Variants in TENM4 observed in about 807,000 individuals in gnomAD.
TENM4 encodes the protein teneurin transmembrane protein 4.
In TENM4, 82 loss-of-function variants were observed where a neutral mutation model predicts 243.3. The ratio of observed to expected loss-of-function variants is 0.34; its 90% CI spans 0.28 to 0.40. The LOEUF is 0.40. Among genes scored for constraint, TENM4 ranks in the 10% least tolerant of loss-of-function variants. The pLI is 1.00. For missense variants in TENM4, 3,138 were observed against 3,673.3 expected, an observed-to-expected ratio of 0.85 and a Z score of 3.77; for synonymous variants, 1,412 against 1,456.3, an observed-to-expected ratio of 0.97 and a Z score of 0.69.
At chr11:78,848,478 T>C (rs1342547667) in intron 12 of TENM4, among the ~76,000 whole-genome samples, 2 of 152,162 alleles carry the variant, frequency 1.3e-5, no homozygotes, top group East Asian at 1.9e-4. Flanking sequence ...ACCTACTACC[T>C]GGAATAATTT....
chr11:79,302,598 T>C (rs1451133477), intron 1 of TENM4, among the ~76,000 whole-genome samples: 3 of 152,222 alleles, frequency 2.0e-5, no homozygotes, highest in African/African-American at 4.8e-5. Flanking sequence ...TCAATACCTG[T>C]ATTTATGAAT....
chr11:78,981,595 G>A (rs1591181234), intron 6 of TENM4, among the ~76,000 whole-genome samples: 1 of 152,292 alleles, frequency 6.6e-6, no homozygotes, highest in East Asian at 1.9e-4. Flanking sequence ...CCTGGACGGG[G>A]AATCATCCGG....
At chr11:79,333,165 C>A (rs142825731) in intron 1 of TENM4, among the ~76,000 whole-genome samples, 287 of 152,246 alleles carry the variant, frequency 1.9e-3, no homozygotes, top group African/African-American at 6.7e-3. Flanking sequence ...TCCCCAAAGT[C>A]AAAGTTAATA....
At chr11:79,090,806 C>T (rs546454399) in intron 4 of TENM4, among the ~76,000 whole-genome samples, 14 of 152,298 alleles carry the variant, frequency 9.2e-5, no homozygotes, top group East Asian at 1.9e-4. Flanking sequence ...CCTATTCAAC[C>T]GACGTCCCTG....
chr11:78,690,640 T>C (rs1477388711), intron 28 of TENM4, among the ~76,000 whole-genome samples: 4 of 152,228 alleles, frequency 2.6e-5, no homozygotes, highest in African/African-American at 9.6e-5. Context: ...TTCCAGGCAT[T>C]TTCAGCAAAA....
In TENM4 at chr11:79,038,745, A is replaced by G. The variant is rs533714506; in HGVS notation, c.493+25993T>C. Among the ~76,000 whole-genome samples the G allele has an allele frequency of 3.3e-5, 5 of 152,372 alleles. No individual in the cohort carries two copies. In the East Asian group the frequency reaches 9.6e-4, roughly 29 times the overall value. On this transcript the variant is annotated intron_variant, in intron 6 of 33. Transcript: ENST00000278550. ...GCCAAGACCTCTGGGCACTAACTGC[A>G]GAAGTTCAAATCCTGGCTTGGGAAA...
At chr11:78,823,473 A>G (rs1438503873) in intron 12 of TENM4, among the ~76,000 whole-genome samples, 1 of 152,214 alleles carries the variant, frequency 6.6e-6, no homozygotes, top group African/African-American at 2.4e-5. Context: ...GGAACTTAGC[A>G]TTCAGGAGCA....
intron 6 of TENM4, among the ~76,000 whole-genome samples, chr11:78,990,291 G>A (rs900578605): frequency 2.6e-5 from 4 of 152,066 alleles, no homozygotes; most frequent in Non-Finnish European, 4.4e-5. Context: ...TTCTGACTTC[G>A]CATCATGAGT....
At position 79,069,741 on chromosome 11, in the gene TENM4, G is replaced by C. The variant is rs755892773; in HGVS notation, c.204C>G (p.Ala68=). The change falls in exon 5 of 34, where the codon GCC becomes GCG. Residue 68 remains alanine (A), a synonymous_variant. Transcript: ENST00000278550. ...CCTTACCTGTGCGGCAGAATTCCTC[G>C]GCCTCCTGCGGCACAATGTCCTTGA... ...SRVKDIVPQE[A]EEFCRTGANF... The C allele has an allele frequency of 5.2e-6, 8 of 1,550,774 alleles. No homozygotes were observed. The highest frequency in any genetic ancestry group is 1.4e-5 in the African/African-American group (1 of 73,156).
At chr11:78,848,824 G>T (rs73498585) in intron 12 of TENM4, among the ~76,000 whole-genome samples, 5,877 of 124,684 alleles carry the variant, frequency 0.047, 424 homozygotes, top group African/African-American at 0.19. Context: ...ATAATGGAAA[G>T]CAAAGAGGAA....
At chr11:78,850,959 T>C (rs757761231) in intron 12 of TENM4, among the ~76,000 whole-genome samples, 31 of 152,180 alleles carry the variant, frequency 2.0e-4, no homozygotes, top group Non-Finnish European at 4.0e-4. Context: ...TCTTCAAAGC[T>C]TCCTTGACAG....
chr11:79,402,745 A>T (rs1858488421), intron 1 of TENM4, among the ~76,000 whole-genome samples: 1 of 152,208 alleles, frequency 6.6e-6, no homozygotes, highest in South Asian at 2.1e-4. Flanking sequence ...GTTCCCCCAT[A>T]GGAATGAGCA....
chr11:79,115,720 C>T (rs1861604715), intron 4 of TENM4, among the ~76,000 whole-genome samples: 1 of 152,204 alleles, frequency 6.6e-6, no homozygotes, highest in Admixed American at 6.5e-5. Flanking sequence ...TTGTCCAAGA[C>T]ATCAGAACCC....
At chr11:78,963,293 T>C (rs1351172668) in intron 6 of TENM4, among the ~76,000 whole-genome samples, 1 of 152,192 alleles carries the variant, frequency 6.6e-6, no homozygotes, top group Non-Finnish European at 1.5e-5. Context: ...TCCCAACTCT[T>C]CAGAAGGAGG....
chr11:79,321,855 T>C (rs903042135), intron 1 of TENM4, among the ~76,000 whole-genome samples: 6 of 152,228 alleles, frequency 3.9e-5, no homozygotes, highest in East Asian at 1.9e-4. Context: ...ACATTATCAA[T>C]GACTGTTTGG....
At chr11:79,285,593 T>A (rs542011531) in intron 2 of TENM4, among the ~76,000 whole-genome samples, 1 of 152,152 alleles carries the variant, frequency 6.6e-6, no homozygotes, top group Admixed American at 6.6e-5. Flanking sequence ...TAGTTAAAAA[T>A]GGAAATAACC....
chr11:79,344,046 A>G (rs1857286107), intron 1 of TENM4, among the ~76,000 whole-genome samples: 1 of 152,200 alleles, frequency 6.6e-6, no homozygotes, highest in Non-Finnish European at 1.5e-5. Flanking sequence ...ATTTTAAAGC[A>G]TTCTCCTATC....
intron 19 of TENM4, among the ~76,000 whole-genome samples, chr11:78,755,179 C>T (rs182175037): frequency 6.6e-6 from 1 of 151,868 alleles, no homozygotes. Flanking sequence ...TTTTTTTTCT[C>T]CCTGAGATGG....
intron 1 of TENM4, among the ~76,000 whole-genome samples, chr11:79,344,170 A>T (rs960188728): frequency 6.6e-6 from 1 of 152,240 alleles, no homozygotes; most frequent in Non-Finnish European, 1.5e-5. Context: ...TGAATAAATG[A>T]ATGAGCATAT....
Sources: allele counts gnomAD v4.1 joint callset (sites outside exome capture counted in the v4.1 genomes callset), GRCh38; gene constraint gnomAD v4.1.1; transcripts MANE v1.5; gene names NCBI Gene and HGNC (gene_info 2026-07-23, HGNC 2026-07-21).